The following SCFD2 variants were observed in gnomAD, a reference collection of about 807,000 sequenced individuals.
SCFD2 encodes the protein sec1 family domain containing 2.
A neutral mutation model predicts 58.9 loss-of-function variants in SCFD2; 54 were observed. The observed-to-expected ratio is 0.92, with a 90% CI of 0.74 to 1.15. SCFD2 has a LOEUF of 1.15. SCFD2 is among the 50% of genes most tolerant of loss of function. SCFD2 has a pLI of 0.00. For missense variants in SCFD2, 805 were observed against 836.6 expected, an observed-to-expected ratio of 0.96 and a Z score of 0.47; for synonymous variants, 321 against 335.9, an observed-to-expected ratio of 0.96 and a Z score of 0.49.
intron 4 of SCFD2, among the ~76,000 whole-genome samples, chr4:53,239,618 G>C (rs1162134102): frequency 6.6e-6 from 1 of 152,124 alleles, no homozygotes; most frequent in East Asian, 1.9e-4. Context: ...ATGAGTAGCT[G>C]GGATTACAGG....
At chr4:53,217,786 G>T (rs1471421619) in intron 4 of SCFD2, among the ~76,000 whole-genome samples, 2 of 152,200 alleles carry the variant, frequency 1.3e-5, no homozygotes, top group Non-Finnish European at 2.9e-5. Context: ...GGTAACGGTT[G>T]TTCCTTTCCA....
chr4:53,150,313 C>T (rs1176915385), intron 4 of SCFD2, among the ~76,000 whole-genome samples: 2 of 152,124 alleles, frequency 1.3e-5, no homozygotes, highest in Non-Finnish European at 2.9e-5. Flanking sequence ...AAGGGACTGA[C>T]CCAGGAAGCA....
At chr4:52,893,953 C>CT (rs1189638043) in intron 7 of SCFD2, among the ~76,000 whole-genome samples, 1 of 152,162 alleles carries the variant, frequency 6.6e-6, no homozygotes, top group East Asian at 1.9e-4. Context: ...ATTTTCCTTT[C>CT]TTTAAGTTAT....
chr4:52,969,482 C>T (rs1229949132), intron 5 of SCFD2, among the ~76,000 whole-genome samples: 1 of 152,216 alleles, frequency 6.6e-6, no homozygotes, highest in Non-Finnish European at 1.5e-5. Context: ...CATTCCATCT[C>T]TTGTTCTTCC....
chr4:53,249,431 G>A (rs1440577854), intron 4 of SCFD2, among the ~76,000 whole-genome samples: 2 of 152,142 alleles, frequency 1.3e-5, no homozygotes, highest in African/African-American at 4.8e-5. Flanking sequence ...GCAGGCCAAC[G>A]TTCAGATTCA....
intron 5 of SCFD2, among the ~76,000 whole-genome samples, chr4:52,963,313 G>A (rs1292120722): frequency 6.6e-6 from 1 of 152,194 alleles, no homozygotes; most frequent in Non-Finnish European, 1.5e-5. Context: ...CTGATGCAAC[G>A]TAAGGTTGGA....
chr4:53,239,560 C>A (rs545059064), intron 4 of SCFD2, among the ~76,000 whole-genome samples: 15 of 152,320 alleles, frequency 9.8e-5, no homozygotes, highest in Admixed American at 2.0e-4. Flanking sequence ...TCTCAGCTCA[C>A]CGCAACCTCT....
chr4:53,036,907 TAAGAA>T (rs1170868726), intron 5 of SCFD2, among the ~76,000 whole-genome samples: 1 of 152,046 alleles, frequency 6.6e-6, no homozygotes, highest in Non-Finnish European at 1.5e-5. Context: ...GGTGAGATTA[TAAGAA>T]AAGAAAACAG....
intron 4 of SCFD2, among the ~76,000 whole-genome samples, chr4:53,255,197 TTTTATTTA>T (rs36000814): frequency 3.2e-4 from 45 of 140,678 alleles, no homozygotes; most frequent in African/African-American, 9.9e-4. Flanking sequence ...TTTTTTTCTT[TTTTATTTA>T]TTTATTTATT....
chr4:52,930,992 C>T (rs1296368898), intron 5 of SCFD2, among the ~76,000 whole-genome samples: 1 of 152,154 alleles, frequency 6.6e-6, no homozygotes, highest in African/African-American at 2.4e-5. Flanking sequence ...ATTAAACCTA[C>T]TGTAAGTGGG....
chr4:53,099,712 C>T (rs970038984), intron 5 of SCFD2, among the ~76,000 whole-genome samples: 11 of 152,128 alleles, frequency 7.2e-5, no homozygotes, highest in Admixed American at 6.6e-4. Context: ...ACTTACTCCC[C>T]CTACCCACTT....
chr4:52,988,100 G>A (rs1241787480), intron 5 of SCFD2, among the ~76,000 whole-genome samples: 4 of 152,200 alleles, frequency 2.6e-5, no homozygotes, highest in African/African-American at 9.7e-5. Context: ...TTCATCAGCT[G>A]TGGGAGGAGA....
At chr4:53,222,920 C>T (rs1301894494) in intron 4 of SCFD2, among the ~76,000 whole-genome samples, 4 of 152,094 alleles carry the variant, frequency 2.6e-5, no homozygotes, top group Admixed American at 6.6e-5. Flanking sequence ...TCTACAGAAA[C>T]GTATTTCTGT....
chr4:53,161,819 T>C (rs1726861578), intron 4 of SCFD2, among the ~76,000 whole-genome samples: 1 of 152,188 alleles, frequency 6.6e-6, no homozygotes, highest in Non-Finnish European at 1.5e-5. Flanking sequence ...ACTCTTGTTA[T>C]CATATTATCA....
chr4:53,145,336 T>G lies in SCFD2; in HGVS notation c.1558A>C (p.Thr520Pro). 1 of 1,614,056 alleles carries G rather than the reference T, an allele frequency of 6.2e-7. No individual in the cohort carries two copies. The highest frequency in any genetic ancestry group is 1.1e-5 in the South Asian group (1 of 91,024). The change falls in exon 5 of 9, where the codon ACG becomes CCG. Residue 520 changes from threonine (T) to proline (P), a missense_variant. Thr to Pro is a conservative substitution (Grantham distance 38). This residue lies in a region of SCFD2 where 633 missense variants were observed against 646.8 expected (regional missense o/e 0.98). Coordinates refer to ENST00000401642, the MANE Select transcript of SCFD2 (RefSeq NM_152540.4). ...TGTATCTTTGTTAGACACTCACCCG[T>G]AATTTTTTGCAGCAAAGGTGACAAT... is the stretch of plus-strand genomic sequence containing the variant. ...SGLSPLLQKI[T>P]DWDSSINLTF...
chr4:53,332,003 T>C, intron 2 of SCFD2, among the ~76,000 whole-genome samples: 1 of 152,012 alleles, frequency 6.6e-6, no homozygotes. Context: ...CTAGAAGAAA[T>C]GGATAAATTC....
intron 4 of SCFD2, among the ~76,000 whole-genome samples, chr4:53,150,176 T>G (rs918587306): frequency 3.3e-5 from 5 of 151,946 alleles, no homozygotes; most frequent in Non-Finnish European, 7.4e-5. Context: ...AATAAAATGC[T>G]TAGGGAAGGT....
intron 2 of SCFD2, among the ~76,000 whole-genome samples, chr4:53,323,461 C>G (rs1733084330): frequency 6.6e-6 from 1 of 151,148 alleles, no homozygotes; most frequent in Non-Finnish European, 1.5e-5. Flanking sequence ...ACAACCTAGA[C>G]TTCCTGGACC....
intron 5 of SCFD2, among the ~76,000 whole-genome samples, chr4:52,942,795 A>C (rs779009235): frequency 5.3e-5 from 8 of 152,198 alleles, no homozygotes; most frequent in Non-Finnish European, 1.2e-4. Flanking sequence ...TATAACTCAA[A>C]ACAAGTGGGC....
Sources: allele counts gnomAD v4.1 joint callset (sites outside exome capture counted in the v4.1 genomes callset), GRCh38; gene constraint gnomAD v4.1.1; regional missense constraint gnomAD v4.1.1; transcripts MANE v1.5; gene names NCBI Gene and HGNC (gene_info 2026-07-23, HGNC 2026-07-21).